CTTNBP2: variants seen among roughly 807,000 people sequenced by gnomAD.
CTTNBP2 encodes cortactin-binding protein 2.
CTTNBP2 carries 108 observed loss-of-function variants against 156.9 expected under a neutral mutation model. That is an observed-to-expected ratio of 0.69 (90% CI 0.59 to 0.81). The LOEUF is 0.81. CTTNBP2 is among the 30% of genes least tolerant of loss of function. The pLI is 0.00. For missense variants in CTTNBP2, 1,924 were observed against 2,035.4 expected (o/e 0.95, Z 1.05); for synonymous variants, 767 against 751.8 (o/e 1.02, Z -0.33).
At chr7:117,831,081 CT>C (rs1415634811) in intron 2 of CTTNBP2, among the ~76,000 whole-genome samples, 1 of 152,088 alleles carries the variant, frequency 6.6e-6, no homozygotes, top group Non-Finnish European at 1.5e-5. Flanking sequence ...TTTTCAAGCA[CT>C]TAAGAGATAA....
At chr7:117,837,328 C>G (rs956121421) in intron 2 of CTTNBP2, among the ~76,000 whole-genome samples, 4 of 152,156 alleles carry the variant, frequency 2.6e-5, no homozygotes, top group South Asian at 2.1e-4. Context: ...GCCTAATACA[C>G]TTTTACTACT....
At chr7:117,855,474 A>G (rs1238671341) in intron 2 of CTTNBP2, among the ~76,000 whole-genome samples, 1 of 152,194 alleles carries the variant, frequency 6.6e-6, no homozygotes, top group African/African-American at 2.4e-5. Context: ...TCCTTAAAAC[A>G]GCATTTCCCA....
chr7:117,863,117 T>G, intron 1 of CTTNBP2, among the ~76,000 whole-genome samples: 1 of 152,176 alleles, frequency 6.6e-6, no homozygotes, highest in East Asian at 1.9e-4. Flanking sequence ...CATTTAAGTT[T>G]CAAAATAATC....
intron 14 of CTTNBP2, 95 bp downstream of exon 14, chr7:117,745,736 T>C: frequency 1.3e-6 from 1 of 795,530 alleles, no homozygotes; most frequent in Non-Finnish European, 2.1e-6. Flanking sequence ...TTATCTTAAA[T>C]GTATCCCCAA....
At chr7:117,853,606 G>C (rs1478864764) in intron 2 of CTTNBP2, among the ~76,000 whole-genome samples, 1 of 152,070 alleles carries the variant, frequency 6.6e-6, no homozygotes, top group Non-Finnish European at 1.5e-5. Flanking sequence ...TTCTAAAAAT[G>C]AACTGTTAAT....
At chr7:117,853,751 A>G (rs1803081960) in intron 2 of CTTNBP2, among the ~76,000 whole-genome samples, 2 of 152,176 alleles carry the variant, frequency 1.3e-5, no homozygotes, top group Admixed American at 6.5e-5. Flanking sequence ...TGAGCTGCGA[A>G]AAGCCTCATC....
intron 3 of CTTNBP2, among the ~76,000 whole-genome samples, chr7:117,798,545 G>C (rs1384184863): frequency 6.6e-6 from 1 of 152,034 alleles, no homozygotes; most frequent in African/African-American, 2.4e-5. Context: ...ATGAATACAA[G>C]AACACAGCAT....
chr7:117,772,990 C>T (rs979731972), intron 8 of CTTNBP2, among the ~76,000 whole-genome samples: 1 of 152,040 alleles, frequency 6.6e-6, no homozygotes, highest in Non-Finnish European at 1.5e-5. Context: ...TATAAAAAGG[C>T]ATTTTCCAGA....
rs1297861072 is a variant in CTTNBP2 at position 117,791,894 on chromosome 7, G to A, written c.1302C>T (p.Asn434=). The change falls in exon 4 of 23, where the codon AAC becomes AAT. Residue 434 remains asparagine, a synonymous_variant. Coordinates refer to ENST00000160373, the MANE Select transcript of CTTNBP2 (RefSeq NM_033427.3). ...PMHSLHSPCA[N]TSLHPGLNPR... is the part of the protein sequence containing the mutation. Reference sequence around the variant, plus strand: ...GGTTTAGACCTGGATGCAAAGAGGTGTTGGCACATGGTGAATGTAAACTGT... The same window carrying A: ...GGTTTAGACCTGGATGCAAAGAGGTATTGGCACATGGTGAATGTAAACTGT... 1 of 1,614,202 alleles carries A rather than the reference G, an allele frequency of 6.2e-7. No individual in the cohort carries two copies. The highest frequency in any genetic ancestry group is 8.5e-7 in the Non-Finnish European group (1 of 1,180,048).
At chr7:117,768,581 A>AAAAAAAAAAAAAAAAAAAAAAAAAAG (rs1554419704) in intron 8 of CTTNBP2, among the ~76,000 whole-genome samples, 1 of 99,114 alleles carries the variant, frequency 1.0e-5, no homozygotes, top group African/African-American at 4.8e-5. Context: ...AAAAAAAAAA[A>AAAAAAAAAAAAAAAAAAAAAAAAAAG]AAAGAAAGAA....
Position 117,792,066 on chromosome 7 carries a change from C to T in CTTNBP2, c.1130G>A (p.Ser377Asn). 1 of 1,614,094 alleles carries T rather than the reference C, an allele frequency of 6.2e-7. No individual in the cohort carries two copies. The highest frequency in any genetic ancestry group is 1.1e-5 in the South Asian group (1 of 91,080). Residue 377 changes from serine (S) to asparagine (N), a missense_variant, in exon 4 of 23, where the codon AGT becomes AAT. Physicochemically the swap from Ser to Asn is conservative, Grantham distance 46 (BLOSUM62 1). Coordinates refer to ENST00000160373, the MANE Select transcript of CTTNBP2 (RefSeq NM_033427.3). The surrounding 1 kb of genome is among the most constrained non-coding windows in gnomAD (Gnocchi z 4.2). ...GASVPAFPPP[S>N]ANKIEENGPS... ...TCCATTTTCCTCAATTTTGTTTGCA[C>T]TTGGAGGTGGGAAAGCGGGTACAGA...
chr7:117,845,169 G>A (rs1270678059), intron 2 of CTTNBP2, among the ~76,000 whole-genome samples: 3 of 152,134 alleles, frequency 2.0e-5, no homozygotes, highest in Non-Finnish European at 4.4e-5. Flanking sequence ...TGAGGACCAA[G>A]GGAATTGGGG....
intron 22 of CTTNBP2, among the ~76,000 whole-genome samples, chr7:117,716,988 C>G (rs1216261866): frequency 1.3e-3 from 2 of 1,570 alleles, no homozygotes; most frequent in East Asian, 0.038. Flanking sequence ...CTTTGCCGTT[C>G]TCATCTACTC....
At chr7:117,718,472 C>A (rs933155337) in intron 21 of CTTNBP2, among the ~76,000 whole-genome samples, 3 of 152,248 alleles carry the variant, frequency 2.0e-5, no homozygotes, top group Middle Eastern at 3.4e-3. Flanking sequence ...TTGTTTCCAA[C>A]AAAGTTAAAT....
intron 3 of CTTNBP2, among the ~76,000 whole-genome samples, chr7:117,796,761 A>G (rs1269443226): frequency 6.6e-6 from 1 of 152,246 alleles, no homozygotes; most frequent in Non-Finnish European, 1.5e-5. Flanking sequence ...AGAGGCATAC[A>G]AAAATCTAGA....
At chr7:117,873,250 G>T in intron 1 of CTTNBP2, 85 bp downstream of exon 1, 1 of 1,061,846 alleles carries the variant, frequency 9.4e-7, no homozygotes, top group Non-Finnish European at 1.2e-6. Context: ...CCCCGGGGGT[G>T]CGAAGTCGGG....
chr7:117,819,363 T>TCA (rs1322130121), intron 2 of CTTNBP2, among the ~76,000 whole-genome samples: 12 of 135,160 alleles, frequency 8.9e-5, no homozygotes, highest in South Asian at 2.6e-4. Context: ...TCCTTCTCTC[T>TCA]CTCTCACACA....
At chr7:117,810,547 T>A (rs1235485211) in intron 3 of CTTNBP2, among the ~76,000 whole-genome samples, 2 of 152,172 alleles carry the variant, frequency 1.3e-5, no homozygotes, top group African/African-American at 4.8e-5. Context: ...AGAAACATAA[T>A]TTTTCTGTTA....
chr7:117,845,999 T>C (rs867686954), intron 2 of CTTNBP2, among the ~76,000 whole-genome samples: 11 of 151,906 alleles, frequency 7.2e-5, no homozygotes, highest in African/African-American at 1.5e-4. Context: ...TACAGGCGCC[T>C]GCCACCACGC....
Sources: gnomAD v4.1 joint callset for allele counts (sites outside exome capture counted in the v4.1 genomes callset) on GRCh38, gnomAD v4.1.1 for gene constraint, Gnocchi (gnomAD v3.1) non-coding constraint, MANE v1.5 for transcripts, NCBI Gene and HGNC (gene_info 2026-07-23, HGNC 2026-07-21) for gene names.